The following TRHDE variants were observed in gnomAD, a reference collection of about 807,000 sequenced individuals.
The protein encoded by TRHDE is thyrotropin-releasing hormone-degrading ectoenzyme.
TRHDE carries 72 observed loss-of-function variants against 125.7 expected under a neutral mutation model. The ratio of observed to expected loss-of-function variants is 0.57; its 90% CI spans 0.47 to 0.70. The LOEUF is 0.70. Among genes scored for constraint, TRHDE ranks in the 30% least tolerant of loss-of-function variants. The probability of loss-of-function intolerance (pLI) is 0.00; values close to 1 mark genes in which losing one functional copy is unlikely to be tolerated. For missense variants in TRHDE, 1,110 were observed against 1,327.1 expected (o/e 0.84, Z 2.54); for synonymous variants, 509 against 509.1 (o/e 1.00, Z 0.00).
intron 2 of TRHDE, among the ~76,000 whole-genome samples, chr12:72,243,813 G>A (rs1032375688): frequency 7.2e-5 from 11 of 151,916 alleles, no homozygotes; most frequent in Non-Finnish European, 1.3e-4. Flanking sequence ...TGAAATTATT[G>A]AGTTCTCTTT....
Position 72,161,431 on chromosome 12 carries a change from C to CAAAA in TRHDE, n.279+55695_279+55698dup, listed in dbSNP as rs36001406. On this transcript the variant is annotated intron_variant and non_coding_transcript_variant, in intron 2 of 4. Coordinates refer to the TRHDE transcript ENST00000548156. ...CTGGCGACAGAGCGAGACTCCGTCT[C>CAAAA]AAAAAAAAAAAAAAAAAAATTGCTG... Among the ~76,000 whole-genome samples, 47 of 75,492 alleles carry CAAAA rather than the reference C, an allele frequency of 6.2e-4. 1 individual carries two copies. The highest frequency in any genetic ancestry group is 1.7e-3 in the African/African-American group (40 of 23,720). The allele number at this position is 75,492 out of a possible 152,430, so 49.5% of individuals were successfully genotyped here.
At chr12:72,311,936 C>T (rs1306302369) in intron 2 of TRHDE, among the ~76,000 whole-genome samples, 5 of 151,928 alleles carry the variant, frequency 3.3e-5, no homozygotes. Flanking sequence ...GTATTTTCTT[C>T]ATTAAGACTA....
intron 3 of TRHDE, among the ~76,000 whole-genome samples, chr12:72,429,786 T>C (rs1874365319): frequency 6.6e-6 from 1 of 152,118 alleles, no homozygotes; most frequent in African/African-American, 2.4e-5. Flanking sequence ...TTGAGCATCT[T>C]TTCATGTATA....
intron 12 of TRHDE, among the ~76,000 whole-genome samples, chr12:72,606,870 A>C (rs1195801775): frequency 6.6e-6 from 1 of 152,144 alleles, no homozygotes; most frequent in East Asian, 1.9e-4. Flanking sequence ...ACTTCAAATT[A>C]ATTTATTTAA....
chr12:72,516,932 T>C (rs1354224187), intron 6 of TRHDE, among the ~76,000 whole-genome samples: 1 of 152,190 alleles, frequency 6.6e-6, no homozygotes, highest in East Asian at 1.9e-4. Context: ...GTTCTGTTTA[T>C]ATGCGGATTA....
intron 15 of TRHDE, among the ~76,000 whole-genome samples, chr12:72,627,821 C>T (rs1004021501): frequency 1.3e-5 from 2 of 151,378 alleles, no homozygotes; most frequent in African/African-American, 4.8e-5. Context: ...TCTAGGCCTA[C>T]AGCCCCACAC....
intron 2 of TRHDE, among the ~76,000 whole-genome samples, chr12:72,300,876 A>C (rs1268742568): frequency 1.3e-5 from 2 of 152,126 alleles, no homozygotes; most frequent in Non-Finnish European, 2.9e-5. Context: ...GAATCAAAGA[A>C]AACCTCAAAG....
chr12:72,544,198 T>C (rs2135989832), intron 7 of TRHDE, among the ~76,000 whole-genome samples: 1 of 151,574 alleles, frequency 6.6e-6, no homozygotes, highest in African/African-American at 2.4e-5. Flanking sequence ...TAGTTTACAG[T>C]AGATCCCTAC....
chr12:72,223,836 C>A (rs1239786089), intron 2 of TRHDE, among the ~76,000 whole-genome samples: 2 of 152,012 alleles, frequency 1.3e-5, no homozygotes, highest in Non-Finnish European at 2.9e-5. Context: ...TATCTCGCAT[C>A]CAGCTCAAAG....
At chr12:72,106,637 A>G (rs1875194375) in intron 2 of TRHDE, among the ~76,000 whole-genome samples, 1 of 152,124 alleles carries the variant, frequency 6.6e-6, no homozygotes, top group East Asian at 1.9e-4. Context: ...AACCTTGACT[A>G]TTTATAAATT....
intron 2 of TRHDE, among the ~76,000 whole-genome samples, chr12:72,211,535 G>GAAC (rs1305946071): frequency 6.6e-6 from 1 of 152,122 alleles, no homozygotes; most frequent in African/African-American, 2.4e-5. Context: ...AGTGATCAAA[G>GAAC]AACAACAGTG....
intron 2 of TRHDE, among the ~76,000 whole-genome samples, chr12:72,343,968 T>A (rs922539183): frequency 3.3e-5 from 5 of 151,640 alleles, no homozygotes; most frequent in African/African-American, 1.2e-4. Flanking sequence ...TAATCTCCTT[T>A]ATCTATATTT....
chr12:72,317,234 C>A (rs1271067020), intron 2 of TRHDE, among the ~76,000 whole-genome samples: 5 of 152,122 alleles, frequency 3.3e-5, no homozygotes, highest in African/African-American at 1.2e-4. Context: ...ACTGCATCCC[C>A]TTAAAGATGA....
At chr12:72,210,409 G>A (rs1877757325) in intron 2 of TRHDE, among the ~76,000 whole-genome samples, 1 of 152,040 alleles carries the variant, frequency 6.6e-6, no homozygotes, top group Non-Finnish European at 1.5e-5. Flanking sequence ...TGCAGATTAA[G>A]CTCAGTGAAA....
At chr12:72,280,993 C>T (rs1319283134) in intron 1 of TRHDE, among the ~76,000 whole-genome samples, 3 of 152,130 alleles carry the variant, frequency 2.0e-5, no homozygotes, top group Admixed American at 1.3e-4. Flanking sequence ...TTAATGCATT[C>T]ATAATACCCT....
At chr12:72,441,497 C>T (rs556958387) in intron 3 of TRHDE, among the ~76,000 whole-genome samples, 9 of 151,698 alleles carry the variant, frequency 5.9e-5, no homozygotes, top group East Asian at 3.9e-4. Context: ...GCTGGACAGG[C>T]GGGAAAGGGA....
At chr12:72,540,202 G>A (rs530467054) in intron 6 of TRHDE, among the ~76,000 whole-genome samples, 188 of 151,818 alleles carry the variant, frequency 1.2e-3, no homozygotes, top group African/African-American at 4.2e-3. Context: ...GTTAAACATA[G>A]AAGAGTGCAT....
At chr12:72,124,606 T>C (rs987765846) in intron 2 of TRHDE, among the ~76,000 whole-genome samples, 1 of 152,188 alleles carries the variant, frequency 6.6e-6, no homozygotes, top group Non-Finnish European at 1.5e-5. Context: ...ATGTAATTCT[T>C]TGTTAATATT....
intron 2 of TRHDE, among the ~76,000 whole-genome samples, chr12:72,318,775 A>G (rs1038678431): frequency 6.6e-5 from 10 of 152,070 alleles, no homozygotes; most frequent in Non-Finnish European, 2.9e-5. Flanking sequence ...AGTTATGAGG[A>G]ATATATGAAA....
Sources: gnomAD v4.1 joint callset for allele counts (sites outside exome capture counted in the v4.1 genomes callset) on GRCh38, gnomAD v4.1.1 for gene constraint, MANE v1.5 for transcripts, NCBI Gene and HGNC (gene_info 2026-07-23, HGNC 2026-07-21) for gene names.